COL18A1: variants seen among roughly 807,000 people sequenced by gnomAD.
The protein encoded by COL18A1 is collagen type XVIII alpha 1 chain, also known as collagen alpha-1(XVIII) chain.
In COL18A1, 133 loss-of-function variants were observed where a neutral mutation model predicts 168.0. The ratio of observed to expected loss-of-function variants is 0.79; its 90% CI spans 0.69 to 0.91. The LOEUF (loss-of-function observed/expected upper bound fraction) is 0.91, where lower values mean the gene tolerates loss of function less well. Among genes scored for constraint, COL18A1 ranks in the 40% least tolerant of loss-of-function variants. The pLI is 0.00. For missense variants in COL18A1, 2,126 were observed against 1,925.4 expected (o/e 1.10, Z -1.95); for synonymous variants, 949 against 809.0 (o/e 1.17, Z -2.94).
chr21:45,490,416 A>G (rs2036275773), intron 20 of COL18A1, 70 bp downstream of exon 20: 5 of 1,207,426 alleles, frequency 4.1e-6, no homozygotes, highest in Admixed American at 4.7e-5. Context: ...CTAAGATGAA[A>G]GCTGGCACGA....
chr21:45,467,521 C>T (rs2035256107), intron 2 of COL18A1: 3 of 841,712 alleles, frequency 3.6e-6, no homozygotes, highest in African/African-American at 1.8e-5. Context: ...CCACATGAAG[C>T]ACCTGGCCCA....
intron 9 of COL18A1, 88 bp from the exon 10 acceptor site, chr21:45,479,814 C>T: frequency 1.3e-6 from 2 of 1,574,742 alleles, no homozygotes; most frequent in Non-Finnish European, 1.7e-6. Flanking sequence ...TCCCGTCCGT[C>T]CCCTGCTTGG....
intron 18 of COL18A1, 60 bp downstream of exon 18, chr21:45,488,504 T>C: frequency 6.2e-7 from 1 of 1,612,376 alleles, no homozygotes; most frequent in South Asian, 1.1e-5. Flanking sequence ...CTCGACATCT[T>C]GGGGCTGGGG....
chr21:45,473,745 C>T lies in COL18A1; in HGVS notation c.652-150C>T, dbSNP rs539717570. Reference sequence around the variant, plus strand: ...CACTTCTTCCTACCATGAGGCATACCGCACCCCCAGGGAGGCTGCCCGAGA... The same window carrying T: ...CACTTCTTCCTACCATGAGGCATACTGCACCCCCAGGGAGGCTGCCCGAGA... On this transcript the variant is annotated intron_variant, in intron 3 of 41. Coordinates refer to ENST00000651438, the MANE Select transcript of COL18A1 (RefSeq NM_001379500.1). The surrounding 1 kb of genome is among the most constrained non-coding windows in gnomAD (Gnocchi z 4.0). The T allele has an allele frequency of 3.7e-5, 26 of 709,634 alleles. No homozygotes were observed. The highest frequency in any genetic ancestry group is 1.7e-4 in the African/African-American group (10 of 57,398). The allele number at this position is 709,634 out of a possible 1,614,324, so 44.0% of individuals were successfully genotyped here.
At chr21:45,492,822 G>A in intron 24 of COL18A1, 109 bp downstream of exon 24, 1 of 858,328 alleles carries the variant, frequency 1.2e-6, no homozygotes, top group Admixed American at 1.8e-5. Flanking sequence ...AGGCCCGAGG[G>A]ATAGCGACAG....
At position 45,504,036 on chromosome 21, in the gene COL18A1, G is replaced by C. The variant is rs2037031424; in HGVS notation, c.2709G>C (p.Gln903His). The C allele has an allele frequency of 1.2e-6, 2 of 1,613,724 alleles. No individual in the cohort carries two copies. The highest frequency in any genetic ancestry group is 1.7e-6 in the Non-Finnish European group (2 of 1,179,984). Residue 903 changes from glutamine to histidine, a missense_variant, in exon 33 of 42, where the codon CAG (glutamine) becomes CAC (histidine). Coordinates refer to ENST00000651438, the MANE Select transcript of COL18A1 (RefSeq NM_001379500.1). Reference protein sequence around the residue: ...PPGQFPFDFLQLEAEMKGEKG... With the variant: ...PPGQFPFDFLHLEAEMKGEKG... ...GGCAGTTTCCGTTTGACTTTCTTCA[G>C]TTGGAGGCTGAAATGAAGGTGGGTG...
intron 2 of COL18A1, among the ~76,000 whole-genome samples, chr21:45,458,544 A>G (rs2034927567): frequency 6.6e-6 from 1 of 152,142 alleles, no homozygotes; most frequent in Admixed American, 6.5e-5. Flanking sequence ...CCCAGCAAGC[A>G]CCAGCCGCCT....
At chr21:45,476,302 C>G (rs562399558) in intron 5 of COL18A1, 49 bp from the exon 6 acceptor site, 8 of 1,612,422 alleles carry the variant, frequency 5.0e-6, no homozygotes, top group Non-Finnish European at 6.8e-6. Flanking sequence ...AAGTCTCCAC[C>G]GGGCATCTGC....
chr21:45,503,843 A>G, intron 32 of COL18A1, 168 bp from the exon 33 acceptor site: 1 of 466,196 alleles, frequency 2.1e-6, no homozygotes, highest in African/African-American at 2.0e-5. Context: ...ATTAACAAAA[A>G]CATCAGAAAG....
In COL18A1 at chr21:45,494,567, C is replaced by A. The variant is rs779048807; in HGVS notation, c.2375C>A (p.Pro792His). 1 of 1,613,226 alleles carries A rather than the reference C, an allele frequency of 6.2e-7. No individual in the cohort carries two copies. Among genetic ancestry groups the A allele is most frequent in the Non-Finnish European group, 8.5e-7 (1 of 1,179,974 alleles). Residue 792 changes from proline to histidine, a missense_variant, in exon 27 of 42, where the codon CCC becomes CAC. Physicochemically the swap from Pro to His is moderately conservative, Grantham distance 77. Coordinates refer to ENST00000651438, the MANE Select transcript of COL18A1 (RefSeq NM_001379500.1). ...CAGGGAGAGCCGGGCTTCCGAGGAC[C>A]CCCGGTAAGTCGGTCCCTGGCTTTC... ...GAKGEPGFRGPPGPYGRPGYK... is the reference protein window; with the variant it reads ...GAKGEPGFRGHPGPYGRPGYK...
At chr21:45,409,753 G>A (rs538572048) in intron 2 of COL18A1, among the ~76,000 whole-genome samples, 18 of 152,336 alleles carry the variant, frequency 1.2e-4, no homozygotes, top group Middle Eastern at 3.4e-3. Flanking sequence ...CCTTAACCCC[G>A]GGGCGGGAGT....
chr21:45,456,725 A>G, intron 2 of COL18A1: 1 of 1,533,352 alleles, frequency 6.5e-7, no homozygotes, highest in South Asian at 1.2e-5. Flanking sequence ...CCCATGCGGC[A>G]GCGTCCCGCC....
At chr21:45,405,549 G>A in intron 2 of COL18A1, 76 bp downstream of exon 2, 3 of 937,412 alleles carry the variant, frequency 3.2e-6, no homozygotes, top group African/African-American at 1.7e-5. Context: ...TCCCCGCCCG[G>A]CTCCCTCACC....
rs546095258 is a variant in COL18A1, at chr21:45,422,119, A to G, written c.106+16646A>G. ...CTCTCACACACACACGTTCACACAC[A>G]CAGGCTCACACATACAGGTTCACAT... On this transcript the variant is annotated intron_variant, in intron 2 of 41. Transcript: ENST00000651438. Among the ~76,000 whole-genome samples the G allele has an allele frequency of 2.0e-5, 3 of 152,210 alleles. No homozygotes were observed. In the East Asian group the frequency reaches 5.8e-4, roughly 29 times the overall value.
chr21:45,413,495 G>A (rs372904293), intron 2 of COL18A1, among the ~76,000 whole-genome samples: 25 of 152,216 alleles, frequency 1.6e-4, no homozygotes, highest in African/African-American at 5.1e-4. Flanking sequence ...TGAGAAAGCC[G>A]GGCCTCTTTT....
At chr21:45,482,443 G>T (rs2035933997) in intron 14 of COL18A1, 2 of 570,848 alleles carry the variant, frequency 3.5e-6, no homozygotes, top group Admixed American at 2.6e-5. Context: ...GATGAGAGCT[G>T]CACTGCTTTG....
chr21:45,483,205 C>A (rs1052589168), intron 15 of COL18A1, among the ~76,000 whole-genome samples: 8 of 151,686 alleles, frequency 5.3e-5, no homozygotes, highest in Non-Finnish European at 1.0e-4. Context: ...TGCCCGTGGC[C>A]TGGGGAGGGC....
At position 45,475,509 on chromosome 21, in the gene COL18A1, G is replaced by A. The variant is rs778268148; in HGVS notation, c.772G>A (p.Ala258Thr). The A allele has an allele frequency of 7.5e-6, 12 of 1,606,970 alleles. No homozygotes were observed. Among genetic ancestry groups the A allele is most frequent in the East Asian group, 2.2e-5 (1 of 44,670 alleles). The change falls in exon 5 of 42, where the codon GCC becomes ACC. Residue 258 changes from alanine (A) to threonine (T), a missense_variant. Physicochemically the swap from Ala to Thr is moderately conservative, Grantham distance 58 (BLOSUM62 0). Transcript: ENST00000651438. ...AGACTCTGGCAGCGGGCTCGGGGAC[G>A]CCCGGGAGCTTCTCAGGGAGGAGAC... The part of the protein sequence containing the change: ...SGDSGSGLGD[A>T]RELLREETGA...
In COL18A1 at chr21:45,493,493, C is replaced by T. The variant is rs750558994; in HGVS notation, c.2278-8C>T. The T allele has an allele frequency of 1.9e-6, 3 of 1,556,750 alleles. No individual in the cohort carries two copies. Among genetic ancestry groups the T allele is most frequent in the Middle Eastern group, 1.7e-4 (1 of 5,994 alleles). Reference sequence around the variant, plus strand: ...GCCCTGACTCTGCTGGACCTCCTGCCATTCCAGGGTGAGAAGGGTGAACCG... The same window carrying T: ...GCCCTGACTCTGCTGGACCTCCTGCTATTCCAGGGTGAGAAGGGTGAACCG... On this transcript the variant is annotated splice_polypyrimidine_tract_variant and splice_region_variant and intron_variant, in intron 25 of 41. Transcript: ENST00000651438.
Sources: allele counts gnomAD v4.1 joint callset (sites outside exome capture counted in the v4.1 genomes callset), GRCh38; gene constraint gnomAD v4.1.1; non-coding constraint Gnocchi (gnomAD v3.1); transcripts MANE v1.5; gene names NCBI Gene and HGNC (gene_info 2026-07-23, HGNC 2026-07-21).